The following TTBK2 variants were observed in gnomAD, a reference collection of about 807,000 sequenced individuals.
The protein encoded by TTBK2 is tau tubulin kinase 2, also known as tau-tubulin kinase 2.
Under a neutral mutation model 110.8 loss-of-function variants are expected in TTBK2, and 28 were observed. That is an observed-to-expected ratio of 0.25 (90% CI 0.19 to 0.35). TTBK2 has a LOEUF of 0.35. Ranked by LOEUF, TTBK2 falls within the 10% of genes least tolerant of loss-of-function variation. The pLI, the probability that TTBK2 is intolerant of heterozygous loss-of-function variation, is 1.00. For missense variants in TTBK2, 1,369 were observed against 1,500.3 expected (o/e 0.91, Z 1.45); for synonymous variants, 532 against 527.3 (o/e 1.01, Z -0.12).
At chr15:42,818,217 T>G (rs1402859501) in intron 6 of TTBK2, among the ~76,000 whole-genome samples, 1 of 152,126 alleles carries the variant, frequency 6.6e-6, no homozygotes, top group Admixed American at 6.5e-5. Flanking sequence ...CTGGAACTAC[T>G]GGAATGTGCC....
intron 13 of TTBK2, among the ~76,000 whole-genome samples, chr15:42,761,919 TG>T (rs1467359054): frequency 2.6e-5 from 4 of 152,198 alleles, no homozygotes; most frequent in Admixed American, 6.5e-5. Flanking sequence ...AGGGACCCAG[TG>T]GGAGGTAACT....
At chr15:42,773,669 G>A (rs1889774654) in intron 13 of TTBK2, among the ~76,000 whole-genome samples, 1 of 152,100 alleles carries the variant, frequency 6.6e-6, no homozygotes, top group South Asian at 2.1e-4. Flanking sequence ...ATGAAGGGAG[G>A]CACACCAGAA....
chr15:42,859,338 G>T (rs1419134046), intron 3 of TTBK2, among the ~76,000 whole-genome samples: 1 of 152,066 alleles, frequency 6.6e-6, no homozygotes, highest in Non-Finnish European at 1.5e-5. Flanking sequence ...AATCTCCTGG[G>T]CTCAAGCAAT....
intron 13 of TTBK2, among the ~76,000 whole-genome samples, chr15:42,766,510 C>T (rs1416519685): frequency 1.5e-5 from 2 of 129,432 alleles, no homozygotes; most frequent in Non-Finnish European, 3.2e-5. Flanking sequence ...AGACTTTAAA[C>T]CAACAAAGAT....
chr15:42,755,453 T>C (rs779942615), intron 13 of TTBK2, among the ~76,000 whole-genome samples: 2 of 152,182 alleles, frequency 1.3e-5, no homozygotes, highest in African/African-American at 2.4e-5. Flanking sequence ...TAGTTGGACA[T>C]GGATCTGTAA....
intron 8 of TTBK2, 137 bp from the exon 9 acceptor site, chr15:42,810,876 T>A (rs1226570556): frequency 2.8e-5 from 27 of 972,648 alleles, no homozygotes; most frequent in East Asian, 2.5e-5. Flanking sequence ...AGAACTGAGC[T>A]CTTACTAACA....
chr15:42,778,717 G>T (rs1052099845), intron 11 of TTBK2, among the ~76,000 whole-genome samples: 4 of 151,410 alleles, frequency 2.6e-5, no homozygotes, highest in Admixed American at 2.6e-4. Flanking sequence ...AAGATAAGAA[G>T]AAAATTATGA....
intron 1 of TTBK2, among the ~76,000 whole-genome samples, chr15:42,898,073 C>A (rs1895738279): frequency 6.6e-6 from 1 of 151,998 alleles, no homozygotes; most frequent in Admixed American, 6.6e-5. Context: ...TGCCTGTTGT[C>A]CCAGCTACTT....
intron 13 of TTBK2, among the ~76,000 whole-genome samples, chr15:42,756,865 C>CAAAAAA (rs200664379): frequency 1.3e-5 from 2 of 149,456 alleles, no homozygotes; most frequent in African/African-American, 5.0e-5. Context: ...TACCCCACCT[C>CAAAAAA]AAAAAAAACA....
chr15:42,801,487 C>A (rs1314106855), intron 9 of TTBK2: 1 of 781,112 alleles, frequency 1.3e-6, no homozygotes, highest in Non-Finnish European at 2.3e-6. Context: ...TCCGGTTCAT[C>A]TAGGAGATCT....
chr15:42,785,542 G>T (rs1890373878), intron 10 of TTBK2, among the ~76,000 whole-genome samples: 1 of 152,176 alleles, frequency 6.6e-6, no homozygotes, highest in Admixed American at 6.5e-5. Context: ...ATATAGTTCA[G>T]CATGAACTGA....
At chr15:42,906,318 A>G (rs2141201404) in intron 1 of TTBK2, among the ~76,000 whole-genome samples, 1 of 152,326 alleles carries the variant, frequency 6.6e-6, no homozygotes, top group Admixed American at 6.5e-5. Context: ...AAAGAAAATT[A>G]CCATATTTGC....
At chr15:42,912,034 G>T (rs943535779) in intron 1 of TTBK2, among the ~76,000 whole-genome samples, 12 of 151,996 alleles carry the variant, frequency 7.9e-5, no homozygotes, top group African/African-American at 2.9e-4. Context: ...ATTTGTGTTG[G>T]GCCACATTCA....
At chr15:42,847,962 C>T (rs1190936528) in intron 3 of TTBK2, among the ~76,000 whole-genome samples, 1 of 152,214 alleles carries the variant, frequency 6.6e-6, no homozygotes, top group Non-Finnish European at 1.5e-5. Context: ...CCTCCCATTT[C>T]AGCCTCCCGA....
At chr15:42,905,023 C>A (rs886483938) in intron 1 of TTBK2, among the ~76,000 whole-genome samples, 7 of 152,128 alleles carry the variant, frequency 4.6e-5, no homozygotes, top group African/African-American at 1.4e-4. Context: ...AGAAACATGC[C>A]ACCATGCCCG....
intron 13 of TTBK2, among the ~76,000 whole-genome samples, chr15:42,772,200 C>T (rs1378500218): frequency 6.6e-6 from 1 of 152,018 alleles, no homozygotes; most frequent in Admixed American, 6.6e-5. Flanking sequence ...TGGCTTCCAT[C>T]TCGGTGGGAA....
At chr15:42,819,862 T>G (rs1014137227) in intron 6 of TTBK2, among the ~76,000 whole-genome samples, 6 of 152,212 alleles carry the variant, frequency 3.9e-5, no homozygotes, top group Non-Finnish European at 7.3e-5. Flanking sequence ...ACATAGAATT[T>G]TTTTGTGTTG....
At chr15:42,767,864 T>C (rs1042991390) in intron 13 of TTBK2, among the ~76,000 whole-genome samples, 1 of 152,210 alleles carries the variant, frequency 6.6e-6, no homozygotes, top group Non-Finnish European at 1.5e-5. Context: ...AAATCCTCAA[T>C]AAAATACCGG....
In TTBK2 at chr15:42,745,463, A is replaced by T. The variant is rs1316975223; in HGVS notation, c.*332T>A. 3.3e-6 allele frequency: 1 copy of T among 304,710 alleles called. No homozygotes were observed. The highest frequency in any genetic ancestry group is 2.2e-5 in the African/African-American group (1 of 46,442). The allele number at this position is 304,710 out of a possible 1,614,324, so 18.9% of individuals were successfully genotyped here. On this transcript the variant is annotated 3_prime_UTR_variant, in exon 15 of 15. Coordinates refer to ENST00000267890, the MANE Select transcript of TTBK2 (RefSeq NM_173500.4). ...AATTGAGGCTTAAAAAAATTAGGCA[A>T]CCCCCCTAAAATTCCATTCTATCTC... is the stretch of plus-strand genomic sequence containing the variant.
Sources: gnomAD v4.1 joint callset for allele counts (sites outside exome capture counted in the v4.1 genomes callset) on GRCh38, gnomAD v4.1.1 for gene constraint, MANE v1.5 for transcripts, NCBI Gene and HGNC (gene_info 2026-07-23, HGNC 2026-07-21) for gene names.